ARHGAP15: variants seen among roughly 807,000 people sequenced by gnomAD.
ARHGAP15 encodes the protein rho GTPase-activating protein 15.
In ARHGAP15, 51 loss-of-function variants were observed where a neutral mutation model predicts 63.7. That is an observed-to-expected ratio of 0.80 (90% CI 0.64 to 1.01). ARHGAP15 has a LOEUF of 1.01. ARHGAP15 is among the 50% of genes least tolerant of loss of function. The pLI is 0.00. For missense variants in ARHGAP15, 560 were observed against 564.6 expected (o/e 0.99, Z 0.08); for synonymous variants, 191 against 193.8 (o/e 0.99, Z 0.12).
rs111252115 is a variant in ARHGAP15, at chr2:143,470,641, A to ATG, written c.704-16724_704-16723dup. On this transcript the variant is annotated intron_variant, in intron 8 of 13. Transcript: ENST00000295095. ...TATATATATACATATGTGTGTATAT[A>ATG]TGTGTGTGTATATATATACATGTAT... 1.0e-4 allele frequency among the ~76,000 whole-genome samples: 14 copies of ATG among 136,638 alleles called. No individual in the cohort carries two copies. In the East Asian group the frequency reaches 2.2e-3, roughly 22 times the overall value. The allele number at this position is 136,638 out of a possible 152,430, so 89.6% of individuals were successfully genotyped here. A position where few individuals can be genotyped will look rare whatever the true frequency, so the allele number is the denominator to read the frequency against.
At chr2:143,154,828 CA>C (rs930581684) in intron 1 of ARHGAP15, among the ~76,000 whole-genome samples, 1 of 151,906 alleles carries the variant, frequency 6.6e-6, no homozygotes, top group African/African-American at 2.4e-5. Flanking sequence ...TTGCCTAAAT[CA>C]GACTCCTTCT....
chr2:143,682,048 G>T (rs1683122315), intron 12 of ARHGAP15, among the ~76,000 whole-genome samples: 1 of 152,204 alleles, frequency 6.6e-6, no homozygotes, highest in Admixed American at 6.5e-5. Context: ...TGTAGAGCTG[G>T]TGATTAGTTG....
chr2:143,380,178 T>C (rs1398224639), intron 6 of ARHGAP15, among the ~76,000 whole-genome samples: 2 of 152,100 alleles, frequency 1.3e-5, no homozygotes, highest in Non-Finnish European at 2.9e-5. Flanking sequence ...GTACTCTGCT[T>C]CTTATTAGTC....
chr2:143,648,794 GT>G (rs977163057), intron 12 of ARHGAP15: 3 of 151,922 alleles, frequency 2.0e-5, no homozygotes, highest in Admixed American at 1.3e-4. Context: ...TATAATCACA[GT>G]TTTTCCAAAG....
intron 8 of ARHGAP15, among the ~76,000 whole-genome samples, chr2:143,445,922 TTTCTC>T (rs1242514944): frequency 1.6e-4 from 24 of 152,134 alleles, no homozygotes; most frequent in Middle Eastern, 6.8e-3. Context: ...TGAGAATACT[TTTCTC>T]TAGTGTCAGC....
intron 3 of ARHGAP15, among the ~76,000 whole-genome samples, chr2:143,214,578 T>C (rs1205399272): frequency 2.6e-5 from 4 of 152,176 alleles, no homozygotes; most frequent in Non-Finnish European, 5.9e-5. Context: ...ATACCATGGT[T>C]CTCAAAATTA....
chr2:143,495,438 T>C (rs1024516217), intron 9 of ARHGAP15, among the ~76,000 whole-genome samples: 6 of 151,900 alleles, frequency 3.9e-5, no homozygotes, highest in African/African-American at 1.4e-4. Context: ...ATGCTCTTTA[T>C]ACATAAATGG....
At chr2:143,374,133 C>T (rs561896051) in intron 6 of ARHGAP15, among the ~76,000 whole-genome samples, 94 of 152,206 alleles carry the variant, frequency 6.2e-4, no homozygotes, top group African/African-American at 2.2e-3. Context: ...GGTGCCGCAA[C>T]GTAAGTGGAT....
chr2:143,243,618 T>C (rs6706712), intron 5 of ARHGAP15, among the ~76,000 whole-genome samples: 25,775 of 152,154 alleles, frequency 0.17, 2,353 homozygotes, highest in Middle Eastern at 0.25. Flanking sequence ...TTTATAGCTG[T>C]AGAATCGGAA....
chr2:143,471,191 TAC>T (rs1330317884), intron 8 of ARHGAP15, among the ~76,000 whole-genome samples: 1 of 141,500 alleles, frequency 7.1e-6, no homozygotes, highest in African/African-American at 2.6e-5. Context: ...TGTGTATATA[TAC>T]ACACATATAT....
chr2:143,420,488 C>T (rs1481682505), intron 6 of ARHGAP15, among the ~76,000 whole-genome samples: 2 of 152,160 alleles, frequency 1.3e-5, no homozygotes, highest in African/African-American at 4.8e-5. Context: ...CACTCTACTC[C>T]TCACATAGCA....
intron 6 of ARHGAP15, among the ~76,000 whole-genome samples, chr2:143,419,040 A>T (rs922612958): frequency 6.6e-6 from 1 of 152,168 alleles, no homozygotes; most frequent in Non-Finnish European, 1.5e-5. Context: ...ATTGGGGAAA[A>T]TTTATGTGGT....
chr2:143,474,798 T>C (rs1691733887), intron 8 of ARHGAP15, among the ~76,000 whole-genome samples: 1 of 152,222 alleles, frequency 6.6e-6, no homozygotes, highest in African/African-American at 2.4e-5. Flanking sequence ...CAACATGAAC[T>C]GTGCCCAAGA....
intron 13 of ARHGAP15, among the ~76,000 whole-genome samples, chr2:143,730,376 C>T (rs1011933862): frequency 3.3e-5 from 5 of 149,580 alleles, no homozygotes; most frequent in Non-Finnish European, 4.5e-5. Context: ...GGGTGTTTCC[C>T]GTGCTGACAC....
At chr2:143,340,723 G>A (rs1290380790) in intron 6 of ARHGAP15, among the ~76,000 whole-genome samples, 1 of 151,998 alleles carries the variant, frequency 6.6e-6, no homozygotes, top group Non-Finnish European at 1.5e-5. Flanking sequence ...TCACTTTTCT[G>A]AAAGAAGGCA....
rs372210393 is a variant in ARHGAP15, at chr2:143,411,604, G to T, written c.475-23997G>T. 5.9e-4 allele frequency among the ~76,000 whole-genome samples: 90 copies of T among 152,164 alleles called. 2 individuals carry two copies. In the East Asian group the frequency reaches 0.016, roughly 27 times the overall value. ...TGTGTACAAAAGCAGAGTAACGCAT[G>T]GCACTCAGTAATAACTTTTGAATAA... On this transcript the variant is annotated intron_variant, in intron 6 of 13. Transcript: ENST00000295095.
chr2:143,637,074 C>T (rs1680353285), intron 12 of ARHGAP15, among the ~76,000 whole-genome samples: 1 of 150,336 alleles, frequency 6.7e-6, no homozygotes, highest in South Asian at 2.1e-4. Flanking sequence ...CAGGAGAGCC[C>T]CACCCTCATG....
At chr2:143,764,041 ATTT>A (rs1325382207) in intron 13 of ARHGAP15, among the ~76,000 whole-genome samples, 1 of 151,982 alleles carries the variant, frequency 6.6e-6, no homozygotes, top group African/African-American at 2.4e-5. Context: ...TATTTTTTAA[ATTT>A]ATTTTAAAAA....
rs963933149 is a variant in ARHGAP15 at position 143,314,075 on chromosome 2, G to A, written c.474+63475G>A. On this transcript the variant is annotated intron_variant, in intron 6 of 13. Transcript: ENST00000295095. Reference sequence around the variant, plus strand: ...GCACATGGTCTTTCTCTCAAACCATGCTTTATGACATTGCTATTTGCAGAA... The same window carrying A: ...GCACATGGTCTTTCTCTCAAACCATACTTTATGACATTGCTATTTGCAGAA... Among the ~76,000 whole-genome samples, 3 of 151,232 alleles carry A rather than the reference G, an allele frequency of 2.0e-5. No homozygotes were observed. In the East Asian group the frequency reaches 5.8e-4, roughly 29 times the overall value.
Sources: gnomAD v4.1 joint callset for allele counts (sites outside exome capture counted in the v4.1 genomes callset) on GRCh38, gnomAD v4.1.1 for gene constraint, MANE v1.5 for transcripts, NCBI Gene and HGNC (gene_info 2026-07-23, HGNC 2026-07-21) for gene names.